FGF13: variants seen among roughly 807,000 people sequenced by gnomAD.
The protein encoded by FGF13 is fibroblast growth factor homologous factor 2.
Under a neutral mutation model 19.5 loss-of-function variants are expected in FGF13, and 2 were observed. That is an observed-to-expected ratio of 0.10 (90% CI 0.04 to 0.32). The LOEUF (loss-of-function observed/expected upper bound fraction) is 0.32, where lower values mean the gene tolerates loss of function less well. Ranked by LOEUF, FGF13 falls within the 10% of genes least tolerant of loss-of-function variation. The pLI is 1.00. For synonymous variants in FGF13, 72 were observed against 76.9 expected (o/e 0.94, Z 0.33); for missense variants, 113 against 192.7 (o/e 0.59, Z 2.45).
chrX:139,144,147 C>T (rs1369524140), intron 1 of FGF13, among the ~76,000 whole-genome samples: 1 of 111,708 alleles, frequency 9.0e-6, no homozygotes, highest in East Asian at 2.9e-4. Flanking sequence ...ATGGCGTACT[C>T]ACTGAGCTGT....
chrX:138,621,092 T>C lies in FGF13; in HGVS notation c.*11758A>G, dbSNP rs1354713646. 2 of 111,521 alleles carry C rather than the reference T, an allele frequency of 1.8e-5. No individual in the cohort carries two copies. The highest frequency in any genetic ancestry group is 9.5e-5 in the Admixed American group (1 of 10,492). The allele number at this position is 111,521 out of a possible 1,213,427, so 9.2% of individuals were successfully genotyped here. A position where few individuals can be genotyped will look rare whatever the true frequency, so the allele number is the denominator to read the frequency against. On this transcript the variant is annotated 3_prime_UTR_variant, in exon 5 of 5. Transcript: ENST00000315930. ...ACAGATCACCCAGACAGAAAATCAATAGGGAATTGACTTGAACTACACTTT... is the reference window on the plus strand; with the variant it reads ...ACAGATCACCCAGACAGAAAATCAACAGGGAATTGACTTGAACTACACTTT...
intron 1 of FGF13, among the ~76,000 whole-genome samples, chrX:138,929,854 CTGTGTGTGTGTGTGTGTGTGTGTGTG>C (rs577806507): frequency 1.0e-5 from 1 of 96,274 alleles, no homozygotes; most frequent in African/African-American, 4.1e-5. Flanking sequence ...ACTGCCTTAG[CTGTGTGTGTGTGTGTGTGTGTGTGTG>C]TGTGTGTGTG....
At position 138,805,021 on chromosome X, in the gene FGF13, G is replaced by T. The variant is rs963089358; in HGVS notation, c.217+52491C>A. 2.7e-5 allele frequency among the ~76,000 whole-genome samples: 3 copies of T among 111,564 alleles called. No individual in the cohort carries two copies. The Admixed American group carries it at 2.9e-4, about 11-fold the overall frequency. The stretch of plus-strand genomic sequence containing the variant: ...CTAAATGGTATCATGATTCATTCAG[G>T]ATAAAACTATCTTATAAAAATTATT... On this transcript the variant is annotated intron_variant, in intron 3 of 6. Coordinates refer to the FGF13 transcript ENST00000436198.
rs1011297499 is a variant in FGF13 at position 139,053,383 on chromosome X, C to T, written c.-113+150033G>A. 2.8e-5 allele frequency among the ~76,000 whole-genome samples: 3 copies of T among 108,608 alleles called. No individual in the cohort carries two copies. In the Admixed American group the frequency reaches 3.0e-4, roughly 11 times the overall value. 94.3% of individuals were successfully genotyped at this position (108,608 alleles called of 115,157 possible). A position where few individuals can be genotyped will look rare whatever the true frequency, so the allele number is the denominator to read the frequency against. On this transcript the variant is annotated intron_variant, in intron 1 of 2. Coordinates refer to the FGF13 transcript ENST00000421460. ...TTCCCACTAGCAGTGTAGAAGTGTT[C>T]CCTGATTGCTGCATCCATGCCAGCA...
intron 1 of FGF13, among the ~76,000 whole-genome samples, chrX:138,883,770 C>T (rs1210748799): frequency 9.0e-6 from 1 of 111,649 alleles, no homozygotes; most frequent in African/African-American, 3.3e-5. Context: ...GGAATCACAG[C>T]CAATCTTCAG....
intron 1 of FGF13, among the ~76,000 whole-genome samples, chrX:139,019,305 C>T (rs771330860): frequency 6.3e-5 from 7 of 111,042 alleles, no homozygotes; most frequent in African/African-American, 1.6e-4. Flanking sequence ...AGAAAAGATA[C>T]GGCATGGTTT....
intron 1 of FGF13, among the ~76,000 whole-genome samples, chrX:138,907,674 G>C (rs1303718153): frequency 8.9e-6 from 1 of 111,735 alleles, no homozygotes; most frequent in Non-Finnish European, 1.9e-5. Flanking sequence ...AGACACCTCT[G>C]TCTAGCATCA....
chrX:138,764,461 T>C (rs768018201), intron 3 of FGF13, among the ~76,000 whole-genome samples: 2 of 112,934 alleles, frequency 1.8e-5, no homozygotes, highest in South Asian at 3.6e-4. Flanking sequence ...AGGTCAAATC[T>C]GGCCCAATGC....
chrX:139,130,197 T>A (rs1007478032), intron 1 of FGF13, among the ~76,000 whole-genome samples: 7 of 112,266 alleles, frequency 6.2e-5, no homozygotes, highest in African/African-American at 2.3e-4. Flanking sequence ...AATTGGCATG[T>A]AGTGACACTA....
At chrX:138,961,017 C>T (rs1381914092) in intron 1 of FGF13, among the ~76,000 whole-genome samples, 1 of 111,381 alleles carries the variant, frequency 9.0e-6, no homozygotes, top group African/African-American at 3.3e-5. Context: ...TCTGTCAACT[C>T]GTCAAGGTCA....
chrX:138,927,239 T>G (rs1237043341), intron 1 of FGF13, among the ~76,000 whole-genome samples: 2 of 111,962 alleles, frequency 1.8e-5, no homozygotes, highest in African/African-American at 6.5e-5. Flanking sequence ...AACTGTAACT[T>G]TTATTGTTAC....
intron 1 of FGF13, among the ~76,000 whole-genome samples, chrX:138,973,031 T>C (rs1463142894): frequency 8.9e-6 from 1 of 111,933 alleles, no homozygotes; most frequent in Non-Finnish European, 1.9e-5. Context: ...ATATTTAGTA[T>C]TTCTTTTCTT....
intron 1 of FGF13, among the ~76,000 whole-genome samples, chrX:139,034,158 C>T (rs1334002290): frequency 1.8e-5 from 2 of 111,784 alleles, no homozygotes; most frequent in Non-Finnish European, 3.8e-5. Flanking sequence ...AGGCACTGTG[C>T]TAGGTGCTGG....
intron 1 of FGF13, among the ~76,000 whole-genome samples, chrX:139,067,853 T>G (rs1369931899): frequency 9.1e-6 from 1 of 110,078 alleles, no homozygotes; most frequent in African/African-American, 3.3e-5. Context: ...TCTTGTAAAT[T>G]TGTTGGAGTT....
intron 3 of FGF13, among the ~76,000 whole-genome samples, chrX:138,803,003 CA>C (rs1445446614): frequency 2.7e-5 from 3 of 111,678 alleles, no homozygotes. Flanking sequence ...CTTGAAACCT[CA>C]GACTCATTGT....
intron 1 of FGF13, among the ~76,000 whole-genome samples, chrX:138,985,814 T>C (rs934399856): frequency 1.8e-5 from 2 of 112,462 alleles, no homozygotes; most frequent in Non-Finnish European, 3.8e-5. Context: ...ATTGGAATAA[T>C]TTTATTAGGA....
rs149597919 is a variant in FGF13, at chrX:139,066,870, C to T, written c.-113+136546G>A. 4.5e-3 allele frequency among the ~76,000 whole-genome samples: 499 copies of T among 110,561 alleles called. 1 individual carries two copies. The highest frequency in any genetic ancestry group is 0.015 in the African/African-American group (469 of 30,390). On this transcript the variant is annotated intron_variant, in intron 1 of 2. Transcript: ENST00000421460. ...CCAATATCCCTGATGAACATCCATG[C>T]GAAAATCCTCAATAAAATACTGGCA... is the stretch of plus-strand genomic sequence containing the variant.
chrX:138,878,923 G>C (rs1358806725), intron 1 of FGF13, among the ~76,000 whole-genome samples: 1 of 111,553 alleles, frequency 9.0e-6, no homozygotes, highest in Non-Finnish European at 1.9e-5. Flanking sequence ...ATTTTTTCAT[G>C]TGTTTTTTTG....
At chrX:138,730,661 CAG>C (rs907914015) in intron 1 of FGF13, among the ~76,000 whole-genome samples, 1 of 110,230 alleles carries the variant, frequency 9.1e-6, no homozygotes, top group African/African-American at 3.3e-5. Context: ...AAAAGAAAAA[CAG>C]AGGGACACAG....
Sources: allele counts gnomAD v4.1 joint callset (sites outside exome capture counted in the v4.1 genomes callset), GRCh38; gene constraint gnomAD v4.1.1; transcripts MANE v1.5; gene names NCBI Gene and HGNC (gene_info 2026-07-23, HGNC 2026-07-21).